TGFBR1: variants seen among roughly 807,000 people sequenced by gnomAD.
TGFBR1 encodes the protein TGF-beta receptor type-1.
TGFBR1 carries 20 observed loss-of-function variants against 55.1 expected under a neutral mutation model. The ratio of observed to expected loss-of-function variants is 0.36; its 90% confidence interval spans 0.26 to 0.53. The LOEUF (loss-of-function observed/expected upper bound fraction) is 0.53. TGFBR1 is among the 20% of genes least tolerant of loss of function. TGFBR1 has a pLI of 0.91. For missense variants in TGFBR1, 385 were observed against 617.6 expected, an observed-to-expected ratio of 0.62 and a Z score of 3.99; for synonymous variants, 220 against 214.8, an observed-to-expected ratio of 1.02 and a Z score of -0.21.
intron 2 of TGFBR1, among the ~76,000 whole-genome samples, chr9:99,130,187 A>G (rs1827177387): frequency 6.6e-6 from 1 of 152,202 alleles, no homozygotes. Flanking sequence ...GACTAGCCAT[A>G]TAAGAAAGGT....
intron 8 of TGFBR1, 71 bp from the exon 9 acceptor site, chr9:99,149,099 AAAATTTACAC>A: frequency 6.9e-7 from 1 of 1,455,316 alleles, no homozygotes; most frequent in South Asian, 1.3e-5. Context: ...ATTTAAAAAG[AAAATTTACAC>A]GTAAAAATTC....
At chr9:99,123,174 T>C (rs1260875006) in intron 1 of TGFBR1, among the ~76,000 whole-genome samples, 6 of 152,124 alleles carry the variant, frequency 3.9e-5, no homozygotes. Context: ...TTGTAATCTT[T>C]TCTATGTATA....
intron 3 of TGFBR1, among the ~76,000 whole-genome samples, chr9:99,136,688 C>T (rs1245832490): frequency 2.6e-5 from 4 of 151,988 alleles, no homozygotes; most frequent in African/African-American, 7.3e-5. Flanking sequence ...AGAAAGGACC[C>T]GTTTGAGAAA....
At position 99,105,325 on chromosome 9, in the gene TGFBR1, G is replaced by GGCGACTGCGGGGCGC. The variant is rs1554695435; in HGVS notation, c.97+27_97+41dup. 37 of 980,862 alleles carry GGCGACTGCGGGGCGC rather than the reference G, an allele frequency of 3.8e-5. No individual in the cohort carries two copies. Among genetic ancestry groups the GGCGACTGCGGGGCGC allele is most frequent in the Non-Finnish European group, 4.2e-5 (35 of 828,354 alleles). The allele number at this position is 980,862 out of a possible 1,614,324, so 60.8% of individuals were successfully genotyped here. On this transcript the variant is annotated intron_variant, in intron 1 of 8. Transcript: ENST00000374994. ...CGGGTGAGCGGCGGCGCGGCGGGCGGGCGACTGCGGGGCGCGCGGGCCGGA... is the reference window on the plus strand; with the variant it reads ...CGGGTGAGCGGCGGCGCGGCGGGCGGGCGACTGCGGGGCGCGCGACTGCGGGGCGCGCGGGCCGGA...
chr9:99,139,259 T>C (rs1009624312), intron 4 of TGFBR1, among the ~76,000 whole-genome samples: 1 of 152,208 alleles, frequency 6.6e-6, no homozygotes, highest in African/African-American at 2.4e-5. Context: ...GTCATCTTTT[T>C]CCTTCTCCCA....
rs1321319522 is a variant in TGFBR1, at chr9:99,147,801, G to C, written c.1386+17G>C. 1.2e-6 allele frequency: 2 copies of C among 1,613,386 alleles called. No individual in the cohort carries two copies. The highest frequency in any genetic ancestry group is 2.2e-5 in the South Asian group (2 of 91,024). On this transcript the variant is annotated intron_variant, in intron 8 of 8. Transcript: ENST00000374994. ...AGCTGTGAAGTGAGTATTTCTTTTT[G>C]ATATTAGGCAATTTTCTAAACTGCT...
intron 7 of TGFBR1, among the ~76,000 whole-genome samples, chr9:99,147,449 T>A (rs979563771): frequency 9.2e-5 from 14 of 152,186 alleles, no homozygotes; most frequent in Non-Finnish European, 1.5e-4. Flanking sequence ...ATGGCAATAC[T>A]TAGTTTCAAG....
rs539413187 is a variant in TGFBR1 at position 99,132,617 on chromosome 9, G to T, written c.452G>T (p.Arg151Leu). The T allele has an allele frequency of 6.2e-7, 1 of 1,614,130 alleles. No homozygotes were observed. Among genetic ancestry groups the T allele is most frequent in the South Asian group, 1.1e-5 (1 of 91,088 alleles). ...LMLMVYICHN[R>L]TVIHHRVPNE... is the part of the protein sequence containing the mutation. ...TTGATGGTCTATATCTGCCACAACCGCACTGTCATTCACCATCGAGTGCCA... is the reference window on the plus strand; with the variant it reads ...TTGATGGTCTATATCTGCCACAACCTCACTGTCATTCACCATCGAGTGCCA... The change falls in exon 3 of 9, where the codon CGC (arginine) becomes CTC (leucine). Residue 151 changes from arginine (R) to leucine (L), a missense_variant. Physicochemically the swap from Arg to Leu is moderately radical, Grantham distance 102. Transcript: ENST00000374994.
intron 5 of TGFBR1, among the ~76,000 whole-genome samples, chr9:99,144,358 A>C (rs1827723915): frequency 6.6e-6 from 1 of 152,172 alleles, no homozygotes; most frequent in South Asian, 2.1e-4. Flanking sequence ...TACTGAGTAC[A>C]TTGCAGTTGA....
intron 5 of TGFBR1, 90 bp from the exon 6 acceptor site, chr9:99,144,642 G>A: frequency 1.4e-6 from 2 of 1,471,168 alleles, no homozygotes; most frequent in East Asian, 4.6e-5. Flanking sequence ...TTGATAATTT[G>A]GGTTGGGAGA....
intron 1 of TGFBR1, among the ~76,000 whole-genome samples, chr9:99,112,628 C>CTT (rs1294515774): frequency 6.6e-6 from 1 of 152,076 alleles, no homozygotes; most frequent in Non-Finnish European, 1.5e-5. Flanking sequence ...TGTTGAGTGG[C>CTT]AGTAGGTCTT....
At chr9:99,127,710 G>A (rs1376687358) in intron 1 of TGFBR1, 1 of 349,644 alleles carries the variant, frequency 2.9e-6, no homozygotes, top group African/African-American at 2.2e-5. Context: ...AGTGGACCTT[G>A]CTGTTCACGT....
At chr9:99,133,996 T>TAA (rs550064982) in intron 3 of TGFBR1, among the ~76,000 whole-genome samples, 157 of 110,612 alleles carry the variant, frequency 1.4e-3, no homozygotes, top group African/African-American at 4.4e-3. Flanking sequence ...AGACTCCATC[T>TAA]AAAAAAAAAA....
intron 1 of TGFBR1, among the ~76,000 whole-genome samples, chr9:99,117,663 G>A (rs1179209536): frequency 6.6e-6 from 1 of 152,152 alleles, no homozygotes; most frequent in Admixed American, 6.5e-5. Flanking sequence ...TTGTATATGT[G>A]AGGGTCTGTT....
Position 99,153,787 on chromosome 9 carries a change from A to G in TGFBR1, c.*4482A>G. 4.8e-6 allele frequency: 1 copy of G among 207,662 alleles called. No homozygotes were observed. Among genetic ancestry groups the G allele is most frequent in the Non-Finnish European group, 9.8e-6 (1 of 101,704 alleles). 12.9% of individuals were successfully genotyped at this position (207,662 alleles called of 1,614,324 possible). On this transcript the variant is annotated 3_prime_UTR_variant, in exon 9 of 9. Transcript: ENST00000374994. The stretch of plus-strand genomic sequence containing the variant: ...TCTAACCCTGCCTAGTGCAAGTTAC[A>G]ATATTATAGCGTGTTCGGGGAGTGC...
chr9:99,113,435 A>AC (rs767883568), intron 1 of TGFBR1, among the ~76,000 whole-genome samples: 2 of 152,310 alleles, frequency 1.3e-5, no homozygotes, highest in East Asian at 3.9e-4. Context: ...GATTGATCTA[A>AC]CTTAAGTTTT....
At chr9:99,141,209 A>G (rs1396662719) in intron 4 of TGFBR1, among the ~76,000 whole-genome samples, 1 of 152,216 alleles carries the variant, frequency 6.6e-6, no homozygotes, top group Non-Finnish European at 1.5e-5. Context: ...CATGCAAATA[A>G]GCTAGTGATG....
chr9:99,107,465 T>A (rs1319793752), intron 1 of TGFBR1, among the ~76,000 whole-genome samples: 1 of 152,238 alleles, frequency 6.6e-6, no homozygotes, highest in Non-Finnish European at 1.5e-5. Flanking sequence ...GAATGCTATT[T>A]GCTTCCTTTC....
At chr9:99,106,414 A>G (rs1826415566) in intron 1 of TGFBR1, among the ~76,000 whole-genome samples, 1 of 152,198 alleles carries the variant, frequency 6.6e-6, no homozygotes, top group South Asian at 2.1e-4. Context: ...TGTTTCTGAA[A>G]CTGGACAAAA....
Sources: allele counts gnomAD v4.1 joint callset (sites outside exome capture counted in the v4.1 genomes callset), GRCh38; gene constraint gnomAD v4.1.1; transcripts MANE v1.5; gene names NCBI Gene and HGNC (gene_info 2026-07-23, HGNC 2026-07-21).